Variants in TDRD10 observed in about 807,000 individuals in gnomAD.
The protein encoded by TDRD10 is tudor domain-containing protein 10.
A neutral mutation model predicts 48.0 loss-of-function variants in TDRD10; 40 were observed. The observed-to-expected ratio is 0.83, with a 90% CI of 0.65 to 1.09. The LOEUF is 1.09. Among genes scored for constraint, TDRD10 ranks in the 50% least tolerant of loss-of-function variants. TDRD10 has a pLI of 0.00. For synonymous variants in TDRD10, 162 were observed against 170.4 expected (o/e 0.95, Z 0.38); for missense variants, 378 against 434.7 (o/e 0.87, Z 1.16).
intron 1 of TDRD10, among the ~76,000 whole-genome samples, chr1:154,506,197 C>T (rs1693142865): frequency 6.6e-6 from 1 of 152,182 alleles, no homozygotes; most frequent in Admixed American, 6.6e-5. Flanking sequence ...AAGGTTTCAA[C>T]AAGGCTGTGT....
In TDRD10 at chr1:154,547,457, T is replaced by C; in HGVS notation, c.1001T>C (p.Ile334Thr). The change falls in exon 12 of 13, where the codon ATC (isoleucine) becomes ACC (threonine). Residue 334 changes from isoleucine (I) to threonine (T), a missense_variant. Physicochemically the swap from Ile to Thr is moderately conservative, Grantham distance 89. This residue lies in a region of TDRD10 where 68 missense variants were observed against 111.1 expected (regional missense o/e 0.61). Transcript: ENST00000368482. ...GTCCATCGAATCCTCAAAGGGAAAA[T>C]CACTGGTGCTTTGAACTCGGCGGTA... is the stretch of plus-strand genomic sequence containing the variant. ...EVVHRILKGK[I>T]TGALNSALHI... The C allele has an allele frequency of 3.1e-6, 5 of 1,614,202 alleles. No homozygotes were observed. The highest frequency in any genetic ancestry group is 4.2e-6 in the Non-Finnish European group (5 of 1,180,042).
intron 4 of TDRD10, among the ~76,000 whole-genome samples, chr1:154,516,921 T>G (rs1693800174): frequency 6.6e-6 from 1 of 152,040 alleles, no homozygotes; most frequent in Non-Finnish European, 1.5e-5. Context: ...CACTCCAGCC[T>G]GAGCAACAGA....
chr1:154,521,413 C>T lies in TDRD10; in HGVS notation c.303C>T (p.Phe101=), dbSNP rs202169143. 1.0e-4 allele frequency: 161 copies of T among 1,614,150 alleles called. No individual in the cohort carries two copies. In the African/African-American group the frequency reaches 1.9e-3, roughly 19 times the overall value. ...NGKLFHKRKL[F]VNTSKRPPKR... is the part of the protein sequence containing the mutation. ...AACTCTTCCACAAGCGAAAACTGTT[C>T]GTGAATACAAGCAAAAGGCCCCCCA... Residue 101 remains phenylalanine (F), a synonymous_variant, in exon 6 of 13, where the codon TTC becomes TTT. Transcript: ENST00000368482.
At chr1:154,508,382 C>T in intron 3 of TDRD10, 41 bp from the exon 4 acceptor site, 1 of 1,371,934 alleles carries the variant, frequency 7.3e-7, no homozygotes, top group Non-Finnish European at 1.0e-6. Flanking sequence ...AATCCTCTAA[C>T]CGTATGTATG....
chr1:154,534,623 T>C (rs978106885), intron 6 of TDRD10: 2 of 152,274 alleles, frequency 1.3e-5, no homozygotes, highest in Non-Finnish European at 2.9e-5. Flanking sequence ...TTGTTGTTAT[T>C]GTTTTCTTTT....
At chr1:154,514,741 G>T (rs928686232) in intron 4 of TDRD10, among the ~76,000 whole-genome samples, 2 of 152,084 alleles carry the variant, frequency 1.3e-5, no homozygotes, top group Non-Finnish European at 2.9e-5. Context: ...AGGCTGGAGT[G>T]CAGTGGTGCA....
chr1:154,527,317 C>T (rs1053981180), intron 6 of TDRD10, among the ~76,000 whole-genome samples: 1 of 152,162 alleles, frequency 6.6e-6, no homozygotes, highest in Non-Finnish European at 1.5e-5. Flanking sequence ...AAAATATAAT[C>T]GAGAACTCAA....
At chr1:154,509,095 C>CTT (rs59771172) in intron 4 of TDRD10, among the ~76,000 whole-genome samples, 89,085 of 126,992 alleles carry the variant, frequency 0.7, 32,619 homozygotes, top group East Asian at 0.84. Context: ...CACCTCCTGA[C>CTT]TTTTTTTTTT....
chr1:154,516,658 G>C (rs902770645), intron 4 of TDRD10, among the ~76,000 whole-genome samples: 3 of 152,130 alleles, frequency 2.0e-5, no homozygotes, highest in Admixed American at 2.0e-4. Flanking sequence ...GCACAGCAGG[G>C]GCCAGGAGCA....
chr1:154,523,107 C>T (rs549268714), intron 6 of TDRD10, among the ~76,000 whole-genome samples: 1 of 152,066 alleles, frequency 6.6e-6, no homozygotes. Context: ...GGTTTCACCA[C>T]GTTGACCAGG....
intron 6 of TDRD10, among the ~76,000 whole-genome samples, chr1:154,523,520 C>T (rs1694163880): frequency 6.6e-6 from 1 of 152,188 alleles, no homozygotes; most frequent in Non-Finnish European, 1.5e-5. Context: ...CCTGGGACCA[C>T]ATTTTAGTAG....
At position 154,502,790 on chromosome 1, in the gene TDRD10, T is replaced by C. The variant is rs946874733; in HGVS notation, c.-267T>C. 3 of 152,222 alleles carry C rather than the reference T, an allele frequency of 2.0e-5. No individual in the cohort carries two copies. Among genetic ancestry groups the C allele is most frequent in the African/African-American group, 7.2e-5 (3 of 41,418 alleles). 9.4% of individuals were successfully genotyped at this position (152,222 alleles called of 1,614,324 possible). A position where few individuals can be genotyped will look rare whatever the true frequency, so the allele number is the denominator to read the frequency against. On this transcript the variant is annotated 5_prime_UTR_variant, in exon 1 of 13. Transcript: ENST00000368482. ...GTTATTTTTGGCGGTAGGGCAGAGG[T>C]TGCGGCCCGAGGTCCGGGCGCAGGG...
At chr1:154,540,993 C>T (rs1695196188) in intron 6 of TDRD10, among the ~76,000 whole-genome samples, 1 of 152,024 alleles carries the variant, frequency 6.6e-6, no homozygotes, top group South Asian at 2.1e-4. Flanking sequence ...TTTTGCAGGG[C>T]CATTTTGGGG....
At chr1:154,524,672 A>G (rs1206478027) in intron 6 of TDRD10, among the ~76,000 whole-genome samples, 2 of 151,930 alleles carry the variant, frequency 1.3e-5, no homozygotes, top group Admixed American at 6.6e-5. Context: ...GGGTAACACC[A>G]TTTTTCCTAA....
intron 6 of TDRD10, among the ~76,000 whole-genome samples, chr1:154,534,149 G>A (rs914709852): frequency 6.6e-6 from 1 of 152,154 alleles, no homozygotes; most frequent in Non-Finnish European, 1.5e-5. Flanking sequence ...TTTACAGATT[G>A]CCTGTGGCTG....
At chr1:154,505,010 A>G (rs956544127) in intron 1 of TDRD10, among the ~76,000 whole-genome samples, 3 of 152,188 alleles carry the variant, frequency 2.0e-5, no homozygotes, top group African/African-American at 7.2e-5. Flanking sequence ...AACAACAACA[A>G]AAAACTACAC....
intron 6 of TDRD10, among the ~76,000 whole-genome samples, chr1:154,525,143 C>T (rs1694244410): frequency 6.6e-6 from 1 of 152,180 alleles, no homozygotes; most frequent in Non-Finnish European, 1.5e-5. Context: ...CTCATTAGTC[C>T]TGTGCTGGAA....
chr1:154,519,376 A>G (rs920698104), intron 4 of TDRD10, among the ~76,000 whole-genome samples: 1 of 152,258 alleles, frequency 6.6e-6, no homozygotes, highest in East Asian at 1.9e-4. Flanking sequence ...TGGTATAAAT[A>G]TCATTTTTTT....
Position 154,547,488 on chromosome 1 carries a change from T to C in TDRD10, c.1023+9T>C, listed in dbSNP as rs1695668059. On this transcript the variant is annotated intron_variant, in intron 12 of 12. Coordinates refer to ENST00000368482, the MANE Select transcript of TDRD10 (RefSeq NM_182499.4). ...GTGCTTTGAACTCGGCGGTAACTGCTCCTGCATCTAACTTGGCTGTTGTCC... is the reference window on the plus strand; with the variant it reads ...GTGCTTTGAACTCGGCGGTAACTGCCCCTGCATCTAACTTGGCTGTTGTCC... 2 of 1,614,112 alleles carry C rather than the reference T, an allele frequency of 1.2e-6. No individual in the cohort carries two copies. Among genetic ancestry groups the C allele is most frequent in the South Asian group, 1.1e-5 (1 of 91,092 alleles).
Sources: gnomAD v4.1 joint callset for allele counts (sites outside exome capture counted in the v4.1 genomes callset) on GRCh38, gnomAD v4.1.1 for gene constraint, gnomAD v4.1.1 regional missense constraint, MANE v1.5 for transcripts, NCBI Gene and HGNC (gene_info 2026-07-23, HGNC 2026-07-21) for gene names.